The following UBE2E2 variants were observed in gnomAD, a reference collection of about 807,000 sequenced individuals.
The protein encoded by UBE2E2 is ubiquitin-conjugating enzyme E2 E2.
In UBE2E2, 6 loss-of-function variants were observed where a neutral mutation model predicts 24.7. The observed-to-expected ratio is 0.24, with a 90% CI of 0.13 to 0.48. UBE2E2 has a LOEUF of 0.48. Among genes scored for constraint, UBE2E2 ranks in the 20% least tolerant of loss-of-function variants. The pLI, the probability that UBE2E2 is intolerant of heterozygous loss-of-function variation, is 0.99. For missense variants in UBE2E2, 169 were observed against 245.0 expected, an observed-to-expected ratio of 0.69 and a Z score of 2.07; for synonymous variants, 104 against 83.6, an observed-to-expected ratio of 1.24 and a Z score of -1.33.
chr3:23,486,470 T>C (rs75516655), intron 3 of UBE2E2, among the ~76,000 whole-genome samples: 4,077 of 152,214 alleles, frequency 0.027, 119 homozygotes, highest in Middle Eastern at 0.095. Context: ...GCATGGCAAA[T>C]GGAGGAAAGC....
intron 4 of UBE2E2, among the ~76,000 whole-genome samples, chr3:23,510,151 C>G (rs892099606): frequency 2.0e-5 from 3 of 152,092 alleles, no homozygotes; most frequent in African/African-American, 7.2e-5. Context: ...ATGAATGTTC[C>G]TAGTTTGCAG....
intron 3 of UBE2E2, among the ~76,000 whole-genome samples, chr3:23,436,616 A>G (rs1224512451): frequency 4.6e-5 from 7 of 151,602 alleles, no homozygotes; most frequent in African/African-American, 1.7e-4. Context: ...TTGAGCCGCT[A>G]CACTCCAACC....
chr3:23,222,368 T>C (rs1407003980), intron 3 of UBE2E2, among the ~76,000 whole-genome samples: 2 of 152,216 alleles, frequency 1.3e-5, no homozygotes, highest in East Asian at 1.9e-4. Flanking sequence ...TATACTGATA[T>C]GCTTTGGCAA....
rs527337697 is a variant in UBE2E2, at chr3:23,501,598, G to C, written c.360+1858G>C. ...GACTGGTAAAAATAGGGCGTGGGAG[G>C]AATGCTTTATCTGTCCTCACATGTT... On this transcript the variant is annotated intron_variant, in intron 4 of 5. Coordinates refer to ENST00000396703, the MANE Select transcript of UBE2E2 (RefSeq NM_152653.4). Among the ~76,000 whole-genome samples, 3 of 152,292 alleles carry C rather than the reference G, an allele frequency of 2.0e-5. No individual in the cohort carries two copies. In the South Asian group the frequency reaches 6.2e-4, roughly 32 times the overall value.
chr3:23,308,445 A>C (rs1039541090), intron 3 of UBE2E2, among the ~76,000 whole-genome samples: 1 of 152,252 alleles, frequency 6.6e-6, no homozygotes, highest in Non-Finnish European at 1.5e-5. Context: ...AGATGAATTT[A>C]CACAAAAAGG....
chr3:23,420,337 A>G (rs190145668), intron 3 of UBE2E2, among the ~76,000 whole-genome samples: 2 of 152,342 alleles, frequency 1.3e-5, no homozygotes, highest in East Asian at 3.9e-4. Flanking sequence ...CTTCTTTAAT[A>G]AAATGAGGGA....
At chr3:23,338,155 T>G (rs572126562) in intron 3 of UBE2E2, among the ~76,000 whole-genome samples, 1 of 152,332 alleles carries the variant, frequency 6.6e-6, no homozygotes, top group East Asian at 1.9e-4. Context: ...GTTGTATTTG[T>G]GTGGGTGGGC....
chr3:23,407,730 T>C lies in UBE2E2; in HGVS notation c.228-91878T>C, dbSNP rs1697399654. Among the ~76,000 whole-genome samples, 1 of 150,888 alleles carries C rather than the reference T, an allele frequency of 6.6e-6. No homozygotes were observed. The highest frequency in any genetic ancestry group is 2.4e-5 in the African/African-American group (1 of 41,138). ...AATCCCAGGCTTTATGCCGTTTTAC[T>C]CCTAAACCTCTGTACATCTCAAATA... On this transcript the variant is annotated intron_variant, in intron 3 of 5. Coordinates refer to ENST00000396703, the MANE Select transcript of UBE2E2 (RefSeq NM_152653.4). The surrounding 1 kb of genome is among the most constrained non-coding windows in gnomAD (Gnocchi z 4.0).
intron 3 of UBE2E2, among the ~76,000 whole-genome samples, chr3:23,471,027 CTGTT>C (rs1317489910): frequency 6.6e-6 from 1 of 152,128 alleles, no homozygotes; most frequent in Non-Finnish European, 1.5e-5. Flanking sequence ...TGAGCCCCCT[CTGTT>C]TGAAGTGGGG....
chr3:23,259,123 A>C (rs1343508750), intron 3 of UBE2E2, among the ~76,000 whole-genome samples: 1 of 152,100 alleles, frequency 6.6e-6, no homozygotes, highest in Admixed American at 6.5e-5. Flanking sequence ...GGGTATGGAA[A>C]AGTGTGGAAC....
chr3:23,526,814 C>T lies in UBE2E2; in HGVS notation c.361-5740C>T, dbSNP rs545057451. 2.6e-5 allele frequency among the ~76,000 whole-genome samples: 4 copies of T among 152,250 alleles called. No individual in the cohort carries two copies. In the East Asian group the frequency reaches 5.8e-4, roughly 22 times the overall value. ...TGTCAGAATAGAAGTTGACAAACAT[C>T]ATCATCAAAGTAGATCCTTTTGTTA... is the stretch of plus-strand genomic sequence containing the variant. On this transcript the variant is annotated intron_variant, in intron 4 of 5. Coordinates refer to ENST00000396703, the MANE Select transcript of UBE2E2 (RefSeq NM_152653.4).
intron 5 of UBE2E2, among the ~76,000 whole-genome samples, chr3:23,573,197 C>T (rs1696265135): frequency 6.6e-6 from 1 of 152,118 alleles, no homozygotes; most frequent in Non-Finnish European, 1.5e-5. Context: ...TCCAGATACA[C>T]ATAGGAAGCT....
chr3:23,232,024 C>G (rs899061679), intron 3 of UBE2E2, among the ~76,000 whole-genome samples: 2 of 152,142 alleles, frequency 1.3e-5, no homozygotes, highest in Admixed American at 6.6e-5. Flanking sequence ...TATTGGACCT[C>G]TTATGGAGAC....
At chr3:23,343,060 T>C (rs1695443388) in intron 3 of UBE2E2, among the ~76,000 whole-genome samples, 2 of 151,866 alleles carry the variant, frequency 1.3e-5, no homozygotes, top group African/African-American at 4.8e-5. Flanking sequence ...ATATTGGGTC[T>C]TTAACTGCTA....
At chr3:23,446,704 T>TTG (rs1553612093) in intron 3 of UBE2E2, among the ~76,000 whole-genome samples, 2 of 140,830 alleles carry the variant, frequency 1.4e-5, no homozygotes, top group African/African-American at 5.6e-5. Context: ...GTTTGGTTTT[T>TTG]TTTTTTTTTT....
At chr3:23,348,893 G>A (rs1275543493) in intron 3 of UBE2E2, among the ~76,000 whole-genome samples, 1 of 152,128 alleles carries the variant, frequency 6.6e-6, no homozygotes, top group African/African-American at 2.4e-5. Flanking sequence ...AATGAATAAA[G>A]GATGAAGGAC....
intron 3 of UBE2E2, among the ~76,000 whole-genome samples, chr3:23,298,909 A>C (rs1698992189): frequency 6.6e-6 from 1 of 152,182 alleles, no homozygotes. Context: ...CTGTGAATTC[A>C]TCTGGTCCTG....
intron 3 of UBE2E2, among the ~76,000 whole-genome samples, chr3:23,226,293 ATGTC>A (rs1696824484): frequency 2.0e-5 from 3 of 152,180 alleles, no homozygotes; most frequent in South Asian, 2.1e-4. Context: ...ATTAGAAACA[ATGTC>A]TGTATGCGTG....
rs367833687 is a variant in UBE2E2 at position 23,352,852 on chromosome 3, C to G, written c.227+135540C>G. On this transcript the variant is annotated intron_variant, in intron 3 of 5. Transcript: ENST00000396703. ...CTTTCTGAAACTATTCCAATCAATACAAAAAGAGGGAATCCTCCCTAACTC... is the reference window on the plus strand; with the variant it reads ...CTTTCTGAAACTATTCCAATCAATAGAAAAAGAGGGAATCCTCCCTAACTC... Among the ~76,000 whole-genome samples the G allele has an allele frequency of 8.0e-3, 1,211 of 152,200 alleles. 12 individuals carry two copies. The highest frequency in any genetic ancestry group is 0.021 in the African/African-American group (873 of 41,544).
Sources: gnomAD v4.1 joint callset for allele counts (sites outside exome capture counted in the v4.1 genomes callset) on GRCh38, gnomAD v4.1.1 for gene constraint, Gnocchi (gnomAD v3.1) non-coding constraint, MANE v1.5 for transcripts, NCBI Gene and HGNC (gene_info 2026-07-23, HGNC 2026-07-21) for gene names.